Variants in FHIT observed in about 807,000 individuals in gnomAD.
The protein encoded by FHIT is bis(5'-adenosyl)-triphosphatase.
In FHIT, 19 loss-of-function variants were observed where a neutral mutation model predicts 17.9. That is an observed-to-expected ratio of 1.06 (90% CI 0.74 to 1.56). The LOEUF is 1.56. FHIT is among the 40% of genes most tolerant of loss of function. FHIT has a pLI of 0.00. For missense variants in FHIT, 248 were observed against 189.2 expected (o/e 1.31, Z -1.82); for synonymous variants, 81 against 69.7 (o/e 1.16, Z -0.81).
intron 5 of FHIT, among the ~76,000 whole-genome samples, chr3:60,175,747 A>C (rs1701640743): frequency 6.6e-6 from 1 of 152,188 alleles, no homozygotes; most frequent in African/African-American, 2.4e-5. Flanking sequence ...TATCACCAAC[A>C]AATCGTTCAC....
At chr3:61,243,836 G>C (rs933608949) in intron 1 of FHIT, among the ~76,000 whole-genome samples, 1 of 152,132 alleles carries the variant, frequency 6.6e-6, no homozygotes, top group African/African-American at 2.4e-5. Context: ...GGGTAGGGGA[G>C]AAAGAGTGTC....
chr3:59,982,963 T>C (rs1708720572), intron 7 of FHIT, among the ~76,000 whole-genome samples: 1 of 152,096 alleles, frequency 6.6e-6, no homozygotes, highest in Non-Finnish European at 1.5e-5. Context: ...TTTTGATTTT[T>C]TTTTTCATTC....
chr3:60,806,184 G>T (rs536487549), intron 4 of FHIT, among the ~76,000 whole-genome samples: 8 of 152,274 alleles, frequency 5.3e-5, no homozygotes, highest in African/African-American at 1.9e-4. Context: ...TTTGGAATTT[G>T]TGGGATTCAG....
At chr3:60,301,623 T>G (rs1708461221) in intron 5 of FHIT, among the ~76,000 whole-genome samples, 1 of 152,206 alleles carries the variant, frequency 6.6e-6, no homozygotes, top group African/African-American at 2.4e-5. Flanking sequence ...CTGGTGTTGG[T>G]TCACCTTTGC....
intron 5 of FHIT, among the ~76,000 whole-genome samples, chr3:60,391,485 C>T (rs1701231718): frequency 6.6e-6 from 1 of 152,172 alleles, no homozygotes; most frequent in South Asian, 2.1e-4. Flanking sequence ...GCACTCATCA[C>T]TTATGTACTG....
At chr3:60,690,672 G>C (rs1304385043) in intron 4 of FHIT, 2 of 488,296 alleles carry the variant, frequency 4.1e-6, no homozygotes, top group Non-Finnish European at 8.2e-6. Flanking sequence ...CGCAGCCCAA[G>C]GGCTCGCTAT....
chr3:60,514,451 G>A (rs887094526), intron 5 of FHIT, among the ~76,000 whole-genome samples: 6 of 152,176 alleles, frequency 3.9e-5, no homozygotes, highest in African/African-American at 1.4e-4. Context: ...GTTCCTGCCA[G>A]CGAAGTGGTC....
At chr3:60,968,496 C>A (rs1051164803) in intron 3 of FHIT, among the ~76,000 whole-genome samples, 3 of 150,768 alleles carry the variant, frequency 2.0e-5, no homozygotes, top group African/African-American at 7.3e-5. Context: ...TGGCTCACTG[C>A]AAGCTCCTGG....
chr3:60,436,211 C>A lies in FHIT; in HGVS notation c.103+100649G>T, dbSNP rs561161585. ...TACAGGTATGCGCCACCACATCCAG[C>A]TAATTTTTGTAATTTTAGTAGAGAT... is the stretch of plus-strand genomic sequence containing the variant. On this transcript the variant is annotated intron_variant, in intron 5 of 9. Coordinates refer to ENST00000492590, the MANE Select transcript of FHIT (RefSeq NM_002012.4). Among the ~76,000 whole-genome samples, 7 of 152,112 alleles carry A rather than the reference C, an allele frequency of 4.6e-5. No homozygotes were observed. In the East Asian group the frequency reaches 1.4e-3, roughly 30 times the overall value.
At chr3:60,316,635 C>T (rs893024123) in intron 5 of FHIT, among the ~76,000 whole-genome samples, 1 of 152,178 alleles carries the variant, frequency 6.6e-6, no homozygotes, top group Non-Finnish European at 1.5e-5. Flanking sequence ...TGCATTGCTA[C>T]AAATTTGAAT....
intron 5 of FHIT, among the ~76,000 whole-genome samples, chr3:60,184,021 T>G (rs1436211483): frequency 1.3e-5 from 2 of 151,526 alleles, no homozygotes; most frequent in East Asian, 3.9e-4. Flanking sequence ...AGTCAGGGTC[T>G]TTGCCACTCA....
At chr3:60,224,702 T>TTTTTA (rs144912388) in intron 5 of FHIT, among the ~76,000 whole-genome samples, 32,121 of 142,204 alleles carry the variant, frequency 0.23, 3,947 homozygotes, top group Middle Eastern at 0.28. Flanking sequence ...CTCACCAGGA[T>TTTTTA]TTTTATTTTA....
chr3:59,752,761 C>CA (rs1318967496), intron 8 of FHIT, among the ~76,000 whole-genome samples: 1 of 152,112 alleles, frequency 6.6e-6, no homozygotes, highest in Non-Finnish European at 1.5e-5. Context: ...CTGCTCCAGC[C>CA]ACAGAAGACG....
intron 4 of FHIT, among the ~76,000 whole-genome samples, chr3:60,545,800 A>G (rs1163854107): frequency 6.6e-6 from 1 of 152,208 alleles, no homozygotes; most frequent in Non-Finnish European, 1.5e-5. Context: ...TCTGAAATAA[A>G]GTATGCTCTG....
At chr3:60,944,351 T>C (rs1420243714) in intron 3 of FHIT, among the ~76,000 whole-genome samples, 6 of 151,702 alleles carry the variant, frequency 4.0e-5, no homozygotes, top group African/African-American at 1.2e-4. Flanking sequence ...TTTTCCTCCA[T>C]CAACTCTGTT....
intron 3 of FHIT, among the ~76,000 whole-genome samples, chr3:60,858,021 G>A (rs1478832369): frequency 2.6e-5 from 4 of 152,130 alleles, no homozygotes; most frequent in African/African-American, 9.7e-5. Flanking sequence ...GTTATTTGTG[G>A]CAAAAAGTAC....
intron 5 of FHIT, among the ~76,000 whole-genome samples, chr3:60,434,414 C>A (rs2030023403): frequency 6.6e-6 from 1 of 152,076 alleles, no homozygotes; most frequent in South Asian, 2.1e-4. Flanking sequence ...TTCTTCCCTG[C>A]TTTCCTCCTT....
chr3:61,025,760 G>A (rs975896466), intron 3 of FHIT, among the ~76,000 whole-genome samples: 12 of 152,120 alleles, frequency 7.9e-5, no homozygotes, highest in East Asian at 2.0e-4. Context: ...ACTATCTTAT[G>A]TGAGGGAAAA....
At chr3:60,744,271 A>AC (rs1441655222) in intron 4 of FHIT, among the ~76,000 whole-genome samples, 6 of 52,138 alleles carry the variant, frequency 1.2e-4, no homozygotes, top group African/African-American at 6.8e-4. Context: ...AACAAAACAA[A>AC]AAAAAAAAAA....
Sources: gnomAD v4.1 joint callset for allele counts (sites outside exome capture counted in the v4.1 genomes callset) on GRCh38, gnomAD v4.1.1 for gene constraint, MANE v1.5 for transcripts, NCBI Gene and HGNC (gene_info 2026-07-23, HGNC 2026-07-21) for gene names.